The following DST variants were observed in gnomAD, a reference collection of about 807,000 sequenced individuals.
DST encodes the protein bullous pemphigoid antigen.
Under a neutral mutation model 875.2 loss-of-function variants are expected in DST, and 253 were observed. That is an observed-to-expected ratio of 0.29 (90% CI 0.26 to 0.32). DST has a LOEUF of 0.32. DST is among the 10% of genes least tolerant of loss of function. The probability of loss-of-function intolerance (pLI) is 1.00; values close to 1 mark genes in which losing one functional copy is unlikely to be tolerated. For missense variants in DST, 8,287 were observed against 9,111.6 expected (o/e 0.91, Z 3.68); for synonymous variants, 3,124 against 3,197.1 (o/e 0.98, Z 0.77).
At chr6:56,920,865 A>G (rs1425497854) in intron 2 of DST, among the ~76,000 whole-genome samples, 1 of 142,266 alleles carries the variant, frequency 7.0e-6, no homozygotes, top group Non-Finnish European at 1.5e-5. Context: ...AGTAGCTGTG[A>G]CCACAGGAAC....
chr6:56,505,151 C>G (rs768440566), intron 77 of DST, among the ~76,000 whole-genome samples: 1 of 152,160 alleles, frequency 6.6e-6, no homozygotes, highest in Non-Finnish European at 1.5e-5. Context: ...AAATTAGCAT[C>G]CAGAGCTTTG....
intron 4 of DST, among the ~76,000 whole-genome samples, chr6:56,831,715 C>T (rs1020073025): frequency 1.3e-5 from 2 of 151,844 alleles, no homozygotes; most frequent in African/African-American, 4.9e-5. Context: ...TGGAATTAAA[C>T]CACATGTTCC....
chr6:56,951,367 A>G (rs1383072136), intron 2 of DST, among the ~76,000 whole-genome samples: 1 of 152,222 alleles, frequency 6.6e-6, no homozygotes, highest in African/African-American at 2.4e-5. Context: ...TATGACTATG[A>G]TTTGTCAGAA....
chr6:56,934,677 AAATGGAGAGATC>A (rs1464847279), intron 2 of DST, among the ~76,000 whole-genome samples: 5 of 149,216 alleles, frequency 3.4e-5, no homozygotes, highest in Non-Finnish European at 5.9e-5. Context: ...TCCATCACCA[AAATGGAGAGATC>A]ATTGGTTTTG....
chr6:56,909,888 A>C (rs1380633970), intron 2 of DST, among the ~76,000 whole-genome samples: 1 of 152,206 alleles, frequency 6.6e-6, no homozygotes, highest in East Asian at 1.9e-4. Context: ...TCAGGATTAG[A>C]GCAATTTAAC....
rs144241113 is a variant in DST at position 56,701,990 on chromosome 6, G to A, written c.877-25C>T. On this transcript the variant is annotated intron_variant, in intron 7 of 103. Coordinates refer to ENST00000680361, the MANE Select transcript of DST (RefSeq NM_001374736.1). ...GCTAAGAACAGAAAAATGCAGGTAT[G>A]AAAAAGAGTTTCTGTTATCACAGAC... The A allele has an allele frequency of 8.3e-4, 1,209 of 1,449,432 alleles. 29 individuals carry two copies. The East Asian group carries it at 0.027, about 33-fold the overall frequency. 89.8% of individuals were successfully genotyped at this position (1,449,432 alleles called of 1,614,324 possible). A position where few individuals can be genotyped will look rare whatever the true frequency, so the allele number is the denominator to read the frequency against.
At chr6:56,894,941 G>A (rs1466158158) in intron 3 of DST, among the ~76,000 whole-genome samples, 5 of 68,490 alleles carry the variant, frequency 7.3e-5, no homozygotes, top group African/African-American at 3.6e-4. Context: ...GGGCAGAGGC[G>A]CCCCTCACCT....
chr6:56,645,739 G>C, intron 15 of DST, 127 bp downstream of exon 15: 1 of 1,101,684 alleles, frequency 9.1e-7, no homozygotes. Flanking sequence ...TAAGAAAATG[G>C]AGGATCAAAA....
At chr6:56,478,029 T>C (rs535875234) in intron 90 of DST, among the ~76,000 whole-genome samples, 1 of 150,904 alleles carries the variant, frequency 6.6e-6, no homozygotes, top group Non-Finnish European at 1.5e-5. Flanking sequence ...CTTTATAGGA[T>C]ATTTCATGCT....
In DST at chr6:56,607,049, T is replaced by C. The variant is rs757374715; in HGVS notation, c.7579A>G (p.Ile2527Val). The change falls in exon 40 of 104, where the codon ATT becomes GTT. Residue 2527 changes from isoleucine (I) to valine (V), a missense_variant. Ile to Val is a conservative substitution (Grantham distance 29). Transcript: ENST00000680361. ...TCATCCTCACCAGAAGTATTTGAAA[T>C]GTATTTATCATTGTGATATTGTACT... is the stretch of plus-strand genomic sequence containing the variant. ...PQVQYHNDKY[I>V]SNTSGEDEKT... 3 of 1,613,278 alleles carry C rather than the reference T, an allele frequency of 1.9e-6. No individual in the cohort carries two copies. Among genetic ancestry groups the C allele is most frequent in the African/African-American group, 2.7e-5 (2 of 74,896 alleles).
chr6:56,606,703 T>C lies in DST; in HGVS notation c.7925A>G (p.Asp2642Gly), dbSNP rs2098501527. 3.1e-6 allele frequency: 5 copies of C among 1,613,590 alleles called. No individual in the cohort carries two copies. In the African/African-American group the frequency reaches 5.3e-5, roughly 17 times the overall value. Residue 2642 changes from aspartate to glycine, a missense_variant, in exon 40 of 104, where the codon GAC becomes GGC. Asp to Gly is a moderately conservative substitution (Grantham distance 94). Coordinates refer to ENST00000680361, the MANE Select transcript of DST (RefSeq NM_001374736.1). ...DRDCLHPEDY[D>G]TLQEENDETA... ...CTCATCATTTTCCTCTTGCAGTGTG[T>C]CGTAGTCCTCAGGGTGCAGGCAATC...
chr6:56,753,910 T>C (rs2099595205), intron 4 of DST, among the ~76,000 whole-genome samples: 1 of 152,178 alleles, frequency 6.6e-6, no homozygotes, highest in African/African-American at 2.4e-5. Context: ...AAAACACAAC[T>C]GATTGTCCAG....
chr6:56,779,762 A>G (rs2099688317), intron 4 of DST, among the ~76,000 whole-genome samples: 1 of 150,140 alleles, frequency 6.7e-6, no homozygotes, highest in Non-Finnish European at 1.5e-5. Flanking sequence ...TTTAGGGTAC[A>G]TGTGCACAAT....
chr6:56,809,853 A>T (rs908221048), intron 4 of DST, among the ~76,000 whole-genome samples: 4 of 152,242 alleles, frequency 2.6e-5, no homozygotes, highest in Non-Finnish European at 4.4e-5. Context: ...CTAAGAAATT[A>T]TATGAACAAC....
Position 56,528,825 on chromosome 6 carries a change from T to C in DST, c.17680+16A>G. On this transcript the variant is annotated intron_variant, in intron 67 of 103. Transcript: ENST00000680361. ...AATGCTGACCACATGATGATTTGAT[T>C]TGAAAGATATCTCACCTGTGGTTTG... is the stretch of plus-strand genomic sequence containing the variant. 6.7e-7 allele frequency: 1 copy of C among 1,487,424 alleles called. No individual in the cohort carries two copies. The highest frequency in any genetic ancestry group is 1.2e-5 in the South Asian group (1 of 82,054). 92.1% of individuals were successfully genotyped at this position (1,487,424 alleles called of 1,614,324 possible). A position where few individuals can be genotyped will look rare whatever the true frequency, so the allele number is the denominator to read the frequency against.
intron 4 of DST, among the ~76,000 whole-genome samples, chr6:56,737,179 G>A (rs780975102): frequency 6.6e-6 from 1 of 152,184 alleles, no homozygotes; most frequent in Non-Finnish European, 1.5e-5. Context: ...GGGTGACACA[G>A]CAAGACCTTG....
At chr6:56,760,749 T>C (rs2152962169) in intron 4 of DST, among the ~76,000 whole-genome samples, 1 of 152,332 alleles carries the variant, frequency 6.6e-6, no homozygotes, top group South Asian at 2.1e-4. Flanking sequence ...ACTTATTATA[T>C]GCCAGGAATT....
At chr6:56,818,261 T>TG (rs1303958392) in intron 4 of DST, among the ~76,000 whole-genome samples, 2 of 152,064 alleles carry the variant, frequency 1.3e-5, no homozygotes, top group Admixed American at 1.3e-4. Flanking sequence ...AAATGCCAAT[T>TG]TTTTTAAAAA....
intron 3 of DST, among the ~76,000 whole-genome samples, chr6:56,884,855 G>A (rs76862405): frequency 0.32 from 48,236 of 151,402 alleles, 8,650 homozygotes; most frequent in African/African-American, 0.49. Context: ...CAGCCTCCCA[G>A]GTAGCTGAGA....
Sources: allele counts gnomAD v4.1 joint callset (sites outside exome capture counted in the v4.1 genomes callset), GRCh38; gene constraint gnomAD v4.1.1; transcripts MANE v1.5; gene names NCBI Gene and HGNC (gene_info 2026-07-23, HGNC 2026-07-21).